GOSR2: variants seen among roughly 807,000 people sequenced by gnomAD.
The protein encoded by GOSR2 is golgi SNAP receptor complex member 2, also known as 27 kDa Golgi SNARE protein.
GOSR2 carries 20 observed loss-of-function variants against 27.9 expected under a neutral mutation model. The observed-to-expected ratio is 0.72, with a 90% CI of 0.50 to 1.04. The LOEUF (loss-of-function observed/expected upper bound fraction) is 1.04, where lower values mean the gene tolerates loss of function less well. GOSR2 is among the 50% of genes least tolerant of loss of function. GOSR2 has a pLI of 0.00. For missense variants in GOSR2, 261 were observed against 270.5 expected, an observed-to-expected ratio of 0.97 and a Z score of 0.25; for synonymous variants, 91 against 98.8, an observed-to-expected ratio of 0.92 and a Z score of 0.47.
Position 46,951,897 on chromosome 17 carries a change from C to CA in GOSR2, c.583+13194dup, listed in dbSNP as rs3840882. Reference sequence around the variant, plus strand: ...TGTTTGCCTCGCTGCTTCTCCCCCCCAGACATCACCTCCCTCACAGCCCAG... The same window carrying CA: ...TGTTTGCCTCGCTGCTTCTCCCCCCCAAGACATCACCTCCCTCACAGCCCAG... On this transcript the variant is annotated intron_variant, in intron 6 of 6. Transcript: ENST00000573224. Among the ~76,000 whole-genome samples, 11 of 152,274 alleles carry CA rather than the reference C, an allele frequency of 7.2e-5. 1 individual carries two copies. In the East Asian group the frequency reaches 1.7e-3, roughly 24 times the overall value.
intron 4 of GOSR2, 99 bp downstream of exon 4, chr17:46,932,298 A>AAGACTGAT: frequency 7.1e-7 from 1 of 1,402,192 alleles, no homozygotes; most frequent in South Asian, 1.2e-5. Flanking sequence ...GTGTCTGAAG[A>AAGACTGAT]AGACTGATGA....
chr17:46,955,867 A>C (rs2090672488), intron 6 of GOSR2, among the ~76,000 whole-genome samples: 1 of 151,964 alleles, frequency 6.6e-6, no homozygotes, highest in Admixed American at 6.6e-5. Flanking sequence ...TACCCTACCA[A>C]CTGACTCTCC....
chr17:46,939,769 A>G lies in GOSR2; in HGVS notation c.*1009A>G. 1.0e-6 allele frequency: 1 copy of G among 987,666 alleles called. No homozygotes were observed. Among genetic ancestry groups the G allele is most frequent in the Non-Finnish European group, 1.2e-6 (1 of 831,382 alleles). 61.2% of individuals were successfully genotyped at this position (987,666 alleles called of 1,614,324 possible). A position where few individuals can be genotyped will look rare whatever the true frequency, so the allele number is the denominator to read the frequency against. ...GTAACACTCTGTTTTCAGGGACTAC[A>G]ACCTTTTTCCTTCTGTGACCAGCCC... On this transcript the variant is annotated 3_prime_UTR_variant, in exon 6 of 6. Transcript: ENST00000640051.
chr17:46,942,948 T>G (rs562957864), downstream of GOSR2, among the ~76,000 whole-genome samples: 62 of 152,240 alleles, frequency 4.1e-4, no homozygotes, highest in African/African-American at 1.4e-3. Context: ...CCCATGTCCC[T>G]CTAGTACAGG....
At chr17:46,923,341 C>T (rs2085982069) in intron 1 of GOSR2, 120 bp downstream of exon 1, 6 of 1,528,204 alleles carry the variant, frequency 3.9e-6, no homozygotes, top group East Asian at 2.5e-5. Context: ...CGCCAGGGCA[C>T]TGCTGGGGAT....
chr17:46,923,343 G>C (rs2085982502), intron 1 of GOSR2, 122 bp downstream of exon 1: 1 of 1,523,930 alleles, frequency 6.6e-7, no homozygotes, highest in South Asian at 1.2e-5. Flanking sequence ...CCAGGGCACT[G>C]CTGGGGATGC....
chr17:46,931,508 G>A (rs2087375662), intron 3 of GOSR2: 1 of 449,320 alleles, frequency 2.2e-6, no homozygotes, highest in Middle Eastern at 6.3e-4. Flanking sequence ...GCCTAATGTT[G>A]CCATGGAGTT....
At chr17:46,974,733 CA>C (rs373010361) in intron 6 of GOSR2, among the ~76,000 whole-genome samples, 16,496 of 64,336 alleles carry the variant, frequency 0.26, 1,004 homozygotes, top group South Asian at 0.43. Flanking sequence ...GACTCTCTCT[CA>C]AAAAAAAAAA....
chr17:46,946,874 A>G (rs2089946279), downstream of GOSR2, among the ~76,000 whole-genome samples: 1 of 152,228 alleles, frequency 6.6e-6, no homozygotes, highest in Non-Finnish European at 1.5e-5. Context: ...ATTTTAAAAA[A>G]ACAAAAATTA....
At chr17:46,970,794 G>A (rs909697882), downstream of GOSR2, among the ~76,000 whole-genome samples, 1 of 152,208 alleles carries the variant, frequency 6.6e-6, no homozygotes, top group Admixed American at 6.5e-5. Context: ...GGCTTATGTG[G>A]ATATTAGTTA....
At chr17:46,929,256 C>CT (rs2086944012) in intron 1 of GOSR2, among the ~76,000 whole-genome samples, 1 of 152,140 alleles carries the variant, frequency 6.6e-6, no homozygotes, top group East Asian at 1.9e-4. Context: ...GATAATGGTA[C>CT]TTTCCTCATA....
At chr17:46,935,315 C>A in intron 5 of GOSR2, 146 bp downstream of exon 5, 1 of 1,526,352 alleles carries the variant, frequency 6.6e-7, no homozygotes, top group South Asian at 1.3e-5. Flanking sequence ...GGGATCCTTT[C>A]TGTTGGAGTT....
rs142693156 is a variant in GOSR2, at chr17:46,936,234, C to G, written c.477+1065C>G. 5 of 985,436 alleles carry G rather than the reference C, an allele frequency of 5.1e-6. No homozygotes were observed. The East Asian group carries it at 5.7e-4, about 112-fold the overall frequency. 61.0% of individuals were successfully genotyped at this position (985,436 alleles called of 1,614,324 possible). On this transcript the variant is annotated intron_variant, in intron 5 of 5. Transcript: ENST00000640051. ...ATTAGTCTGCCCTTTCTTTAGAAAA[C>G]TGCTACTCTCCTTTTCATATCTCAG...
rs924261034 is a variant in GOSR2 at position 46,938,874 on chromosome 17, G to A, written c.*114G>A. 1.9e-6 allele frequency: 3 copies of A among 1,573,386 alleles called. No individual in the cohort carries two copies. The highest frequency in any genetic ancestry group is 1.3e-5 in the African/African-American group (1 of 74,244). On this transcript the variant is annotated 3_prime_UTR_variant, in exon 6 of 6. Transcript: ENST00000640051. Reference sequence around the variant, plus strand: ...TTTGAAATGTTTGCCTGTCTGAACTGTGAAGACACTTGGGAGTGATTGTGG... The same window carrying A: ...TTTGAAATGTTTGCCTGTCTGAACTATGAAGACACTTGGGAGTGATTGTGG...
At chr17:46,948,773 C>T (rs1209685339) in intron 6 of GOSR2, 1 of 152,172 alleles carries the variant, frequency 6.6e-6, no homozygotes, top group Non-Finnish European at 1.5e-5. Context: ...GCCTGCAGAG[C>T]TGGTTGATTT....
chr17:46,947,005 G>A (rs544988701), downstream of GOSR2, among the ~76,000 whole-genome samples: 4 of 152,330 alleles, frequency 2.6e-5, no homozygotes, highest in Admixed American at 6.5e-5. Flanking sequence ...AAGGTGGGAC[G>A]GGGGCCAGAT....
intron 6 of GOSR2, among the ~76,000 whole-genome samples, chr17:46,953,093 A>G (rs1258277788): frequency 6.6e-6 from 1 of 152,022 alleles, no homozygotes; most frequent in Non-Finnish European, 1.5e-5. Context: ...CATGTACACA[A>G]TGTGCAGGTT....
At chr17:46,923,711 C>T (rs1208147029) in intron 1 of GOSR2, 3 of 530,170 alleles carry the variant, frequency 5.7e-6, no homozygotes, top group South Asian at 9.6e-5. Flanking sequence ...AAATTGCTGT[C>T]CACGTAGCAT....
chr17:46,957,964 C>T (rs560445757), intron 6 of GOSR2, among the ~76,000 whole-genome samples: 1 of 152,328 alleles, frequency 6.6e-6, no homozygotes, highest in South Asian at 2.1e-4. Flanking sequence ...GGAGATCTGA[C>T]TGAGCGACTC....
Sources: gnomAD v4.1 joint callset for allele counts (sites outside exome capture counted in the v4.1 genomes callset) on GRCh38, gnomAD v4.1.1 for gene constraint, MANE v1.5 for transcripts, NCBI Gene and HGNC (gene_info 2026-07-23, HGNC 2026-07-21) for gene names.